SSRP1: variants seen among roughly 807,000 people sequenced by gnomAD.
SSRP1 encodes FACT complex subunit SSRP1.
In SSRP1, 21 loss-of-function variants were observed where a neutral mutation model predicts 84.4. The ratio of observed to expected loss-of-function variants is 0.25; its 90% CI spans 0.18 to 0.36. SSRP1 has a LOEUF of 0.36. SSRP1 is among the 10% of genes least tolerant of loss of function. The probability of loss-of-function intolerance (pLI) is 1.00; values close to 1 mark genes in which losing one functional copy is unlikely to be tolerated. For synonymous variants in SSRP1, 319 were observed against 318.3 expected, an observed-to-expected ratio of 1.00 and a Z score of -0.02; for missense variants, 519 against 900.8, an observed-to-expected ratio of 0.58 and a Z score of 5.43.
rs1856159914 is a variant in SSRP1 at position 57,334,316 on chromosome 11, AC to A, written c.240+146del. 5 of 861,782 alleles carry A rather than the reference AC, an allele frequency of 5.8e-6. No individual in the cohort carries two copies. The Admixed American group carries it at 1.2e-4, about 21-fold the overall frequency. 53.4% of individuals were successfully genotyped at this position (861,782 alleles called of 1,614,324 possible). A position where few individuals can be genotyped will look rare whatever the true frequency, so the allele number is the denominator to read the frequency against. Reference sequence around the variant, plus strand: ...AAGACTTCAACGCTCAAAGCCAAACACTGATTGCCTGATGGCCTCACAGCCC... The same window carrying A: ...AAGACTTCAACGCTCAAAGCCAAACATGATTGCCTGATGGCCTCACAGCCC... On this transcript the variant is annotated intron_variant, in intron 3 of 16. Coordinates refer to ENST00000278412, the MANE Select transcript of SSRP1 (RefSeq NM_003146.3).
At position 57,334,444 on chromosome 11, in the gene SSRP1, T is replaced by G; in HGVS notation, c.240+19A>C. 1.2e-6 allele frequency: 2 copies of G among 1,611,946 alleles called. No homozygotes were observed. The highest frequency in any genetic ancestry group is 1.7e-6 in the Non-Finnish European group (2 of 1,178,260). ...GAAGATGCAGTAAAAAGGAGGCTTA[T>G]AGCCATGGGACATCTCACCGATTCT... On this transcript the variant is annotated intron_variant, in intron 3 of 16. Transcript: ENST00000278412.
chr11:57,328,258 A>G (rs763216971), intron 13 of SSRP1, 39 bp downstream of exon 13: 20 of 1,606,994 alleles, frequency 1.2e-5, no homozygotes, highest in Non-Finnish European at 1.5e-5. Context: ...CCCCCCACCC[A>G]CTGCACCACA....
chr11:57,330,188 CCA>C lies in SSRP1; in HGVS notation c.1436-52_1436-51del, dbSNP rs1299165539. On this transcript the variant is annotated intron_variant, in intron 11 of 16. Transcript: ENST00000278412. This position sits in a 1 kb window ranked among gnomAD's most constrained non-coding sequence, Gnocchi z 4.0. ...AGCTTCTGCCCCAATGGAAATCCCC[CCA>C]CCTCACCCAGGCACCCAGCTCTGGC... is the stretch of plus-strand genomic sequence containing the variant. 6.2e-7 allele frequency: 1 copy of C among 1,614,198 alleles called. No individual in the cohort carries two copies. Among genetic ancestry groups the C allele is most frequent in the Admixed American group, 1.7e-5 (1 of 60,032 alleles).
Position 57,330,696 on chromosome 11 carries a change from GAAAC to G in SSRP1, c.1296+155_1296+158del. 1 of 1,481,618 alleles carries G rather than the reference GAAAC, an allele frequency of 6.7e-7. No homozygotes were observed. Among genetic ancestry groups the G allele is most frequent in the Non-Finnish European group, 8.9e-7 (1 of 1,119,694 alleles). 91.8% of individuals were successfully genotyped at this position (1,481,618 alleles called of 1,614,324 possible). ...TAGACTGGTCTAAGGTCATGCAGAG[GAAAC>G]CTGCACCAGGAGGGGGAAAGGGTCA... is the stretch of plus-strand genomic sequence containing the variant. On this transcript the variant is annotated intron_variant, in intron 10 of 16. Coordinates refer to ENST00000278412, the MANE Select transcript of SSRP1 (RefSeq NM_003146.3). This position sits in a 1 kb window ranked among gnomAD's most constrained non-coding sequence, Gnocchi z 4.0.
In SSRP1 at chr11:57,330,795, A is replaced by T; in HGVS notation, c.1296+60T>A. ...GAAAAAGAAGCCGGAAAAAATCTCC[A>T]CCCCTTTCTCCCCTATAGAAAGACC... On this transcript the variant is annotated intron_variant, in intron 10 of 16. Coordinates refer to ENST00000278412, the MANE Select transcript of SSRP1 (RefSeq NM_003146.3). The surrounding 1 kb of genome is among the most constrained non-coding windows in gnomAD (Gnocchi z 4.0). The T allele has an allele frequency of 6.2e-7, 1 of 1,611,014 alleles. No homozygotes were observed. The highest frequency in any genetic ancestry group is 8.5e-7 in the Non-Finnish European group (1 of 1,178,282).
At chr11:57,329,918 A>G in intron 12 of SSRP1, 175 bp downstream of exon 12, 3 of 770,058 alleles carry the variant, frequency 3.9e-6, no homozygotes, top group Non-Finnish European at 6.4e-6. Flanking sequence ...TATGTCTTGC[A>G]CTTACAAAGC....
chr11:57,326,269 A>G lies in SSRP1; in HGVS notation c.*138T>C, dbSNP rs1348332352. The G allele has an allele frequency of 1.2e-6, 1 of 804,680 alleles. No individual in the cohort carries two copies. The highest frequency in any genetic ancestry group is 1.7e-5 in the African/African-American group (1 of 58,942). 49.8% of individuals were successfully genotyped at this position (804,680 alleles called of 1,614,324 possible). On this transcript the variant is annotated 3_prime_UTR_variant, in exon 17 of 17. Coordinates refer to ENST00000278412, the MANE Select transcript of SSRP1 (RefSeq NM_003146.3). ...GACGTCTCCCCACTGCCCTAGTGACATACACACCAACAGGAGAGCATGTTC... is the reference window on the plus strand; with the variant it reads ...GACGTCTCCCCACTGCCCTAGTGACGTACACACCAACAGGAGAGCATGTTC...
intron 9 of SSRP1, among the ~76,000 whole-genome samples, 182 bp downstream of exon 9, chr11:57,331,486 A>G (rs565031358): frequency 6.6e-6 from 1 of 152,228 alleles, no homozygotes; most frequent in African/African-American, 2.4e-5. Context: ...TTTAATGACC[A>G]GAAAGAAAGC....
Position 57,334,524 on chromosome 11 carries a change from T to C in SSRP1, c.179A>G (p.His60Arg), listed in dbSNP as rs771028574. 7 of 1,614,252 alleles carry C rather than the reference T, an allele frequency of 4.3e-6. No individual in the cohort carries two copies. The highest frequency in any genetic ancestry group is 5.9e-6 in the Non-Finnish European group (7 of 1,180,038). Residue 60 changes from histidine to arginine, a missense_variant, in exon 3 of 17, where the codon CAT becomes CGT. By Grantham distance (29) the His-to-Arg change is conservative. Around this residue, in one of 7 missense-constraint regions of SSRP1, gnomAD observed 88 missense variants for 122.0 expected, o/e 0.72. Coordinates refer to ENST00000278412, the MANE Select transcript of SSRP1 (RefSeq NM_003146.3). ...EGIWRRVALG[H>R]GLKLLTKNGH... Reference sequence around the variant, plus strand: ...ATTCTTTGTAAGCAGTTTAAGTCCATGGCCCAGAGCAACACGGCGCCAGAT... The same window carrying C: ...ATTCTTTGTAAGCAGTTTAAGTCCACGGCCCAGAGCAACACGGCGCCAGAT...
chr11:57,332,724 C>T lies in SSRP1; in HGVS notation c.669G>A (p.Leu223=), dbSNP rs1373429903. 1 of 1,614,018 alleles carries T rather than the reference C, an allele frequency of 6.2e-7. No individual in the cohort carries two copies. The highest frequency in any genetic ancestry group is 1.1e-5 in the South Asian group (1 of 91,074). The change falls in exon 6 of 17, where the codon CTG becomes CTA. Residue 223 remains leucine, a synonymous_variant. Transcript: ENST00000278412. This position sits in a 1 kb window ranked among gnomAD's most constrained non-coding sequence, Gnocchi z 5.5. ...AGTCAAAGGTCTTGCCATGCAGGTG[C>T]AGAAAGGTGGGGTAGATCCGAATGT... is the stretch of plus-strand genomic sequence containing the variant. ...RYDIRIYPTF[L]HLHGKTFDYK... is the part of the protein sequence containing the mutation.
intron 12 of SSRP1, chr11:57,329,592 T>C (rs923892679): frequency 7.0e-5 from 12 of 171,424 alleles, no homozygotes; most frequent in Admixed American, 6.0e-4. Context: ...CAGTAGTGTC[T>C]GAAGCCAATT....
chr11:57,330,049 T>C lies in SSRP1; in HGVS notation c.1481+44A>G. On this transcript the variant is annotated intron_variant, in intron 12 of 16. Transcript: ENST00000278412. The surrounding 1 kb of genome is among the most constrained non-coding windows in gnomAD (Gnocchi z 4.0). ...CAGAAATCTTCTGGTCCCTTAAGCT[T>C]ATGGGTCACCATCTTATCCCCACAA... The C allele has an allele frequency of 6.2e-7, 1 of 1,612,590 alleles. No homozygotes were observed. The highest frequency in any genetic ancestry group is 8.5e-7 in the Non-Finnish European group (1 of 1,178,588).
At position 57,328,368 on chromosome 11, in the gene SSRP1, C is replaced by T; in HGVS notation, c.1540G>A (p.Glu514Lys). The change falls in exon 13 of 17, where the codon GAG becomes AAG. Residue 514 changes from glutamate to lysine, a missense_variant. Physicochemically the swap from Glu to Lys is moderately conservative, Grantham distance 56. Transcript: ENST00000278412. ...TTTTTGAGCTGTTTCCGCTTCTTCT[C>T]ATCCCGGTCACTGTCACCCTCATTA... is the stretch of plus-strand genomic sequence containing the variant. ...SSNEGDSDRD[E>K]KKRKQLKKAK... is the part of the protein sequence containing the mutation. The T allele has an allele frequency of 1.9e-6, 3 of 1,614,222 alleles. No homozygotes were observed. The highest frequency in any genetic ancestry group is 2.5e-6 in the Non-Finnish European group (3 of 1,180,032).
chr11:57,330,526 G>C lies in SSRP1; in HGVS notation c.1297-97C>G. 6.5e-7 allele frequency: 1 copy of C among 1,540,274 alleles called. No homozygotes were observed. Among genetic ancestry groups the C allele is most frequent in the South Asian group, 1.2e-5 (1 of 81,620 alleles). ...CCCCCATGCCTGTCAAGTCAGAGCA[G>C]CAGCTCCCAGAAGACCTGGGGCTGG... On this transcript the variant is annotated intron_variant, in intron 10 of 16. Transcript: ENST00000278412. This position sits in a 1 kb window ranked among gnomAD's most constrained non-coding sequence, Gnocchi z 4.0.
chr11:57,327,216 G>T (rs1197806016), intron 15 of SSRP1: 2 of 671,998 alleles, frequency 3.0e-6, no homozygotes, highest in East Asian at 5.2e-5. Flanking sequence ...AAATGGTCCA[G>T]GAAAAGAGGC....
Position 57,334,481 on chromosome 11 carries a change from A to G in SSRP1, c.222T>C (p.Tyr74=). The change falls in exon 3 of 17, where the codon TAT becomes TAC. Residue 74 remains tyrosine (Y), a synonymous_variant. Coordinates refer to ENST00000278412, the MANE Select transcript of SSRP1 (RefSeq NM_003146.3). ...ATCTCACCGATTCTCGGAAGCCATC[A>G]TACTTGTAGACATGGCCATTCTTTG... ...LLTKNGHVYK[Y]DGFRESEFEK... The G allele has an allele frequency of 6.2e-7, 1 of 1,614,186 alleles. No individual in the cohort carries two copies. Among genetic ancestry groups the G allele is most frequent in the South Asian group, 1.1e-5 (1 of 91,072 alleles).
intron 9 of SSRP1, 34 bp downstream of exon 9, chr11:57,331,634 G>T: frequency 1.3e-6 from 2 of 1,570,704 alleles, no homozygotes; most frequent in South Asian, 1.1e-5. Context: ...CTCGGGACCA[G>T]GATGCCCAGG....
In SSRP1 at chr11:57,326,491, G is replaced by A. The variant is rs1386450548; in HGVS notation, c.2059-13C>T. The A allele has an allele frequency of 3.1e-6, 5 of 1,613,972 alleles. No homozygotes were observed. The highest frequency in any genetic ancestry group is 3.4e-6 in the Non-Finnish European group (4 of 1,179,982). On this transcript the variant is annotated splice_polypyrimidine_tract_variant and intron_variant, in intron 16 of 16. Coordinates refer to ENST00000278412, the MANE Select transcript of SSRP1 (RefSeq NM_003146.3). ...CTTCTTCAGAGTCCTGAAAACCAAA[G>A]GTGTCTTAAGGGAAAAGCTGGAGTC... is the stretch of plus-strand genomic sequence containing the variant.
chr11:57,334,775 G>A (rs535643836), intron 2 of SSRP1, 127 bp from the exon 3 acceptor site: 11 of 1,163,376 alleles, frequency 9.5e-6, no homozygotes, highest in Admixed American at 4.2e-5. Flanking sequence ...AGCAACAGCT[G>A]AGGGTGCCAA....
Sources: allele counts gnomAD v4.1 joint callset (sites outside exome capture counted in the v4.1 genomes callset), GRCh38; gene constraint gnomAD v4.1.1; regional missense constraint gnomAD v4.1.1; non-coding constraint Gnocchi (gnomAD v3.1); transcripts MANE v1.5; gene names NCBI Gene and HGNC (gene_info 2026-07-23, HGNC 2026-07-21).